The following DGKB variants were observed in gnomAD, a reference collection of about 807,000 sequenced individuals.
DGKB encodes the protein diacylglycerol kinase beta, also known as 90 kDa diacylglycerol kinase.
A neutral mutation model predicts 114.3 loss-of-function variants in DGKB; 67 were observed. That is an observed-to-expected ratio of 0.59 (90% CI 0.48 to 0.72). DGKB has a LOEUF of 0.72. Ranked by LOEUF, DGKB falls within the 30% of genes least tolerant of loss-of-function variation. The probability of loss-of-function intolerance (pLI) is 0.00; values close to 1 mark genes in which losing one functional copy is unlikely to be tolerated. For synonymous variants in DGKB, 398 were observed against 323.1 expected (o/e 1.23, Z -2.49); for missense variants, 907 against 975.2 (o/e 0.93, Z 0.93).
chr7:14,673,072 C>T (rs370252339), intron 12 of DGKB, 45 bp from the exon 13 acceptor site: 29 of 1,085,348 alleles, frequency 2.7e-5, no homozygotes, highest in Middle Eastern at 2.0e-4. Context: ...TACATGACAA[C>T]GCCTAACATG....
intron 7 of DGKB, among the ~76,000 whole-genome samples, chr7:14,700,175 C>T (rs897292450): frequency 1.1e-4 from 17 of 151,402 alleles, no homozygotes; most frequent in African/African-American, 3.9e-4. Context: ...AAACTGAAGA[C>T]CACTAGGCAC....
At chr7:14,415,637 A>G (rs1342368512) in intron 21 of DGKB, among the ~76,000 whole-genome samples, 1 of 152,044 alleles carries the variant, frequency 6.6e-6, no homozygotes, top group Non-Finnish European at 1.5e-5. Context: ...TCCATGGTGT[A>G]TATGTGCCAC....
chr7:14,865,174 G>A (rs1428815871), intron 1 of DGKB, among the ~76,000 whole-genome samples: 1 of 152,156 alleles, frequency 6.6e-6, no homozygotes, highest in East Asian at 1.9e-4. Flanking sequence ...ACTTGTGTTA[G>A]GGTTAAGAAA....
intron 23 of DGKB, among the ~76,000 whole-genome samples, chr7:14,279,823 A>G (rs1799647041): frequency 6.7e-6 from 1 of 149,268 alleles, no homozygotes; most frequent in Non-Finnish European, 1.5e-5. Context: ...GAAAACTAAC[A>G]AACAGAAAGG....
rs1782079481 is a variant in DGKB, at chr7:14,475,802, A to G, written c.1835+2359T>C. On this transcript the variant is annotated intron_variant, in intron 21 of 25. Transcript: ENST00000402815. ...GCATCTAATCACATACTGAGCAGTG[A>G]GGAATGTCACAAATTAGTAGAGCTA... 2.6e-5 allele frequency among the ~76,000 whole-genome samples: 4 copies of G among 152,260 alleles called. No homozygotes were observed. In the South Asian group the frequency reaches 8.3e-4, roughly 32 times the overall value.
chr7:14,162,310 T>G (rs1784019645), intron 25 of DGKB, among the ~76,000 whole-genome samples: 1 of 152,296 alleles, frequency 6.6e-6, no homozygotes, highest in African/African-American at 2.4e-5. Flanking sequence ...AACTGGGAGA[T>G]TATTTCCAAT....
intron 23 of DGKB, among the ~76,000 whole-genome samples, chr7:14,260,734 C>T (rs1381940351): frequency 1.3e-5 from 2 of 152,152 alleles, no homozygotes; most frequent in Non-Finnish European, 2.9e-5. Flanking sequence ...TTAAGTAGAG[C>T]TACTTAATAC....
chr7:14,216,726 A>AG lies in DGKB; in HGVS notation c.2123-38576_2123-38575insC, dbSNP rs1491182950. The stretch of plus-strand genomic sequence containing the variant: ...GGGTGACAGAGCAAGACTCCGTCTC[A>AG]AAAAAAAAAAAAAAAAAAAAAAGAA... On this transcript the variant is annotated intron_variant, in intron 23 of 25. Coordinates refer to ENST00000402815, the MANE Select transcript of DGKB (RefSeq NM_001350709.2). 8.5e-5 allele frequency among the ~76,000 whole-genome samples: 7 copies of AG among 81,934 alleles called. 1 individual carries two copies. Among genetic ancestry groups the AG allele is most frequent in the African/African-American group, 3.0e-4 (5 of 16,576 alleles). 53.8% of individuals were successfully genotyped at this position (81,934 alleles called of 152,430 possible). A position where few individuals can be genotyped will look rare whatever the true frequency, so the allele number is the denominator to read the frequency against.
At chr7:14,535,987 A>G (rs1236545584) in intron 20 of DGKB, among the ~76,000 whole-genome samples, 1 of 152,148 alleles carries the variant, frequency 6.6e-6, no homozygotes, top group Non-Finnish European at 1.5e-5. Context: ...AATACAACCA[A>G]CGCCACAGAA....
intron 17 of DGKB, among the ~76,000 whole-genome samples, chr7:14,598,987 C>T (rs962217941): frequency 2.0e-5 from 3 of 152,156 alleles, no homozygotes; most frequent in African/African-American, 7.2e-5. Flanking sequence ...ACCAATTCTT[C>T]AAAAGTTGTC....
chr7:14,947,760 T>G (rs1420130677), intron 1 of DGKB, among the ~76,000 whole-genome samples: 1 of 151,650 alleles, frequency 6.6e-6, no homozygotes, highest in Non-Finnish European at 1.5e-5. Context: ...CAGAACCTTT[T>G]TGGTCCAAGC....
intron 6 of DGKB, among the ~76,000 whole-genome samples, chr7:14,718,260 T>G (rs1162317028): frequency 6.6e-6 from 1 of 152,140 alleles, no homozygotes; most frequent in Non-Finnish European, 1.5e-5. Flanking sequence ...TCTAATAGCA[T>G]CTTGTTAACT....
At chr7:14,495,050 T>C (rs1026071689) in intron 20 of DGKB, among the ~76,000 whole-genome samples, 3 of 151,848 alleles carry the variant, frequency 2.0e-5, no homozygotes, top group Non-Finnish European at 4.4e-5. Flanking sequence ...TTATTTTCTG[T>C]TGCTTAAATG....
chr7:14,536,392 C>T (rs566360405), intron 20 of DGKB, among the ~76,000 whole-genome samples: 13 of 152,154 alleles, frequency 8.5e-5, no homozygotes, highest in African/African-American at 3.1e-4. Context: ...CCCTAATTAA[C>T]CTGGATGCAA....
At chr7:14,192,411 A>C (rs1784437987) in intron 23 of DGKB, among the ~76,000 whole-genome samples, 1 of 152,190 alleles carries the variant, frequency 6.6e-6, no homozygotes, top group Admixed American at 6.5e-5. Flanking sequence ...CAAGGAGGTG[A>C]AAGATCTCTA....
In DGKB at chr7:14,275,691, A is replaced by G. The variant is rs564585303; in HGVS notation, c.2122+62824T>C. On this transcript the variant is annotated intron_variant, in intron 23 of 25. Transcript: ENST00000402815. Reference sequence around the variant, plus strand: ...AACAAATACTGTCTTTAAACAAATCAACTAGCAATTCTTAATAGTGGTAGG... The same window carrying G: ...AACAAATACTGTCTTTAAACAAATCGACTAGCAATTCTTAATAGTGGTAGG... Among the ~76,000 whole-genome samples, 350 of 152,328 alleles carry G rather than the reference A, an allele frequency of 2.3e-3. 2 individuals are homozygous for G. In the Middle Eastern group the frequency reaches 0.024, roughly 10 times the overall value.
chr7:14,607,407 T>A (rs376342132), intron 17 of DGKB, 27 bp downstream of exon 17: 6 of 1,150,216 alleles, frequency 5.2e-6, no homozygotes, highest in African/African-American at 1.5e-5. Flanking sequence ...ACTGAGTTAA[T>A]GGTAATAATA....
chr7:14,812,715 T>C (rs1843606414), intron 2 of DGKB, among the ~76,000 whole-genome samples: 1 of 152,158 alleles, frequency 6.6e-6, no homozygotes, highest in South Asian at 2.1e-4. Flanking sequence ...TTCAACCCTC[T>C]TCACTCTATT....
At chr7:14,655,104 A>T (rs1585389940) in intron 13 of DGKB, among the ~76,000 whole-genome samples, 1 of 151,888 alleles carries the variant, frequency 6.6e-6, no homozygotes. Flanking sequence ...CAATCTGTAT[A>T]TTGGGAGAAA....
Sources: allele counts gnomAD v4.1 joint callset (sites outside exome capture counted in the v4.1 genomes callset), GRCh38; gene constraint gnomAD v4.1.1; transcripts MANE v1.5; gene names NCBI Gene and HGNC (gene_info 2026-07-23, HGNC 2026-07-21).